PPHLN1: variants seen among roughly 807,000 people sequenced by gnomAD.
PPHLN1 encodes periphilin-1.
In PPHLN1, 29 loss-of-function variants were observed where a neutral mutation model predicts 51.3. The observed-to-expected ratio is 0.57, with a 90% CI of 0.42 to 0.77. The LOEUF is 0.77. PPHLN1 is among the 30% of genes least tolerant of loss of function. The pLI is 0.00. For synonymous variants in PPHLN1, 147 were observed against 147.8 expected, an observed-to-expected ratio of 0.99 and a Z score of 0.04; for missense variants, 436 against 438.4, an observed-to-expected ratio of 0.99 and a Z score of 0.05.
At chr12:42,437,202 A>G (rs569499764) in intron 9 of PPHLN1, among the ~76,000 whole-genome samples, 2 of 152,278 alleles carry the variant, frequency 1.3e-5, no homozygotes, top group South Asian at 2.1e-4. Flanking sequence ...TGCTAAGCCA[A>G]TAGTATTTCC....
At chr12:42,443,329 T>A (rs61926599), downstream of PPHLN1, 30,254 of 152,262 alleles carry the variant, frequency 0.2, 3,390 homozygotes, top group African/African-American at 0.3. Flanking sequence ...GACAAGGCAA[T>A]CAAGTATATG....
intron 9 of PPHLN1, among the ~76,000 whole-genome samples, chr12:42,414,427 C>T (rs2080182827): frequency 6.6e-6 from 1 of 152,336 alleles, no homozygotes; most frequent in East Asian, 1.9e-4. Flanking sequence ...AATCCATGAG[C>T]ATGGGATATG....
chr12:42,424,719 G>A (rs1397105488), intron 9 of PPHLN1, among the ~76,000 whole-genome samples: 1 of 151,778 alleles, frequency 6.6e-6, no homozygotes, highest in Non-Finnish European at 1.5e-5. Context: ...ACTCGCTTCA[G>A]CCACAAAAAA....
At chr12:42,415,097 T>TA (rs2080250935) in intron 9 of PPHLN1, among the ~76,000 whole-genome samples, 1 of 152,230 alleles carries the variant, frequency 6.6e-6, no homozygotes, top group Admixed American at 6.5e-5. Flanking sequence ...GACCTATGCT[T>TA]ACAAATACTC....
At chr12:42,416,667 C>CTTCCTG (rs2080416186) in intron 9 of PPHLN1, among the ~76,000 whole-genome samples, 2 of 152,180 alleles carry the variant, frequency 1.3e-5, no homozygotes, top group South Asian at 4.1e-4. Flanking sequence ...CTGTTTCAAC[C>CTTCCTG]TTAACTGGTC....
intron 9 of PPHLN1, among the ~76,000 whole-genome samples, chr12:42,403,094 G>A (rs1339429720): frequency 1.3e-5 from 2 of 152,152 alleles, no homozygotes; most frequent in Non-Finnish European, 2.9e-5. Flanking sequence ...CAAAGTAGTG[G>A]CAGCTGTATC....
At chr12:42,402,747 G>A (rs2078953088) in intron 9 of PPHLN1, among the ~76,000 whole-genome samples, 1 of 151,974 alleles carries the variant, frequency 6.6e-6, no homozygotes, top group Non-Finnish European at 1.5e-5. Context: ...ATATACCACT[G>A]TTATGTGTCA....
intron 9 of PPHLN1, among the ~76,000 whole-genome samples, chr12:42,430,188 A>G (rs1268446653): frequency 6.6e-6 from 1 of 152,132 alleles, no homozygotes; most frequent in Non-Finnish European, 1.5e-5. Flanking sequence ...CCAAAGGCCA[A>G]TGATCTAATC....
intron 4 of PPHLN1, among the ~76,000 whole-genome samples, chr12:42,369,081 G>A (rs184337297): frequency 6.6e-6 from 1 of 152,242 alleles, no homozygotes; most frequent in Admixed American, 6.5e-5. Flanking sequence ...TTTTTTATAT[G>A]TTATCCGTGG....
Position 42,412,071 on chromosome 12 carries a change from G to A in PPHLN1, c.909+13077G>A, listed in dbSNP as rs572757979. On this transcript the variant is annotated intron_variant, in intron 9 of 9. Transcript: ENST00000358314. Reference sequence around the variant, plus strand: ...AATACAAAAATTAGCTGGGCGTGGTGGCACGCATCTATAGTCCCAGCTACT... The same window carrying A: ...AATACAAAAATTAGCTGGGCGTGGTAGCACGCATCTATAGTCCCAGCTACT... 2.5e-3 allele frequency among the ~76,000 whole-genome samples: 373 copies of A among 152,166 alleles called. 1 individual carries two copies. The highest frequency in any genetic ancestry group is 8.6e-3 in the African/African-American group (358 of 41,504).
chr12:42,383,962 C>A (rs1247372945), intron 5 of PPHLN1, among the ~76,000 whole-genome samples: 2 of 108,784 alleles, frequency 1.8e-5, no homozygotes, highest in East Asian at 3.1e-4. Context: ...CCAGCCTGGG[C>A]AACAGAGTGA....
At chr12:42,353,151 A>G (rs952324222) in intron 3 of PPHLN1, among the ~76,000 whole-genome samples, 1 of 152,116 alleles carries the variant, frequency 6.6e-6, no homozygotes, top group Non-Finnish European at 1.5e-5. Context: ...AGCATTCTTA[A>G]TAATGTAGAA....
intron 9 of PPHLN1, among the ~76,000 whole-genome samples, chr12:42,416,288 A>G (rs1450862227): frequency 6.6e-6 from 1 of 152,228 alleles, no homozygotes; most frequent in Non-Finnish European, 1.5e-5. Flanking sequence ...GTAAATTAGA[A>G]GGAGCTTGAA....
chr12:42,436,973 C>T (rs2139947031), intron 9 of PPHLN1, among the ~76,000 whole-genome samples: 1 of 152,340 alleles, frequency 6.6e-6, no homozygotes, highest in African/African-American at 2.4e-5. Flanking sequence ...CTAATCTCAT[C>T]TTTCTTTCAC....
At chr12:42,365,073 A>T (rs778433629) in intron 4 of PPHLN1, among the ~76,000 whole-genome samples, 65 of 152,102 alleles carry the variant, frequency 4.3e-4, no homozygotes, top group Non-Finnish European at 8.8e-4. Context: ...TCTAATCTGA[A>T]CTCAAGCAGG....
intron 7 of PPHLN1, among the ~76,000 whole-genome samples, chr12:42,392,693 A>G (rs941697645): frequency 7.2e-5 from 11 of 152,230 alleles, no homozygotes; most frequent in African/African-American, 2.4e-4. Flanking sequence ...GGGGAATTAT[A>G]TCTGATCCAG....
chr12:42,427,381 A>G (rs774607482), intron 9 of PPHLN1, among the ~76,000 whole-genome samples: 7 of 152,220 alleles, frequency 4.6e-5, no homozygotes, highest in Non-Finnish European at 7.3e-5. Context: ...CTGTAAGGCC[A>G]TAGTCACCAA....
At chr12:42,350,435 C>T (rs1344136746) in intron 2 of PPHLN1, among the ~76,000 whole-genome samples, 10 of 151,966 alleles carry the variant, frequency 6.6e-5, no homozygotes, top group South Asian at 4.2e-4. Flanking sequence ...CTTCTCACTT[C>T]CTAGATGGGA....
chr12:42,346,740 C>A (rs12581574), intron 2 of PPHLN1, among the ~76,000 whole-genome samples: 24,695 of 152,084 alleles, frequency 0.16, 2,048 homozygotes, highest in Admixed American at 0.2. Flanking sequence ...TTCTCTCATA[C>A]CCTCACCAAC....
Sources: gnomAD v4.1 joint callset for allele counts (sites outside exome capture counted in the v4.1 genomes callset) on GRCh38, gnomAD v4.1.1 for gene constraint, MANE v1.5 for transcripts, NCBI Gene and HGNC (gene_info 2026-07-23, HGNC 2026-07-21) for gene names.